Variants in TMEM132B observed in about 807,000 individuals in gnomAD.
The protein encoded by TMEM132B is transmembrane protein 132B.
Under a neutral mutation model 90.8 loss-of-function variants are expected in TMEM132B, and 18 were observed. That is an observed-to-expected ratio of 0.20 (90% CI 0.14 to 0.29). The LOEUF (loss-of-function observed/expected upper bound fraction) is 0.29. Ranked by LOEUF, TMEM132B falls within the 10% of genes least tolerant of loss-of-function variation. The pLI, the probability that TMEM132B is intolerant of heterozygous loss-of-function variation, is 1.00. For synonymous variants in TMEM132B, 504 were observed against 523.3 expected (o/e 0.96, Z 0.50); for missense variants, 1,096 against 1,326.8 (o/e 0.83, Z 2.70).
chr12:125,625,060 T>TA (rs1886198578), intron 5 of TMEM132B, among the ~76,000 whole-genome samples: 1 of 152,092 alleles, frequency 6.6e-6, no homozygotes. Context: ...TTTGTGTTCT[T>TA]ACAGTTTGGT....
intron 5 of TMEM132B, among the ~76,000 whole-genome samples, chr12:125,602,297 G>A (rs1885590710): frequency 6.6e-6 from 1 of 152,178 alleles, no homozygotes; most frequent in African/African-American, 2.4e-5. Context: ...TGGGATGCAA[G>A]GCTGGTTCAA....
At chr12:125,208,532 G>T (rs1873236733) in intron 1 of TMEM132B, among the ~76,000 whole-genome samples, 1 of 152,122 alleles carries the variant, frequency 6.6e-6, no homozygotes, top group Non-Finnish European at 1.5e-5. Flanking sequence ...TCATATACAT[G>T]GTATCACATA....
Position 125,445,696 on chromosome 12 carries a change from G to A in TMEM132B, c.1106+30019G>A, listed in dbSNP as rs986597821. On this transcript the variant is annotated intron_variant, in intron 3 of 8. Transcript: ENST00000682704. The surrounding 1 kb of genome is among the most constrained non-coding windows in gnomAD (Gnocchi z 4.3). The stretch of plus-strand genomic sequence containing the variant: ...GCCAGGCCTGGGTACCATCTTGTTG[G>A]GGCCTTCTAGTGTGGACACTGTGCA... Among the ~76,000 whole-genome samples, 4 of 152,164 alleles carry A rather than the reference G, an allele frequency of 2.6e-5. No homozygotes were observed. Among genetic ancestry groups the A allele is most frequent in the African/African-American group, 9.7e-5 (4 of 41,434 alleles).
chr12:125,229,829 C>A (rs1283599605), intron 1 of TMEM132B, among the ~76,000 whole-genome samples: 2 of 152,248 alleles, frequency 1.3e-5, no homozygotes, highest in South Asian at 4.1e-4. Context: ...CTCCCAGTCG[C>A]CTAGCTGTGC....
intron 1 of TMEM132B, among the ~76,000 whole-genome samples, chr12:125,269,495 G>A (rs1406664430): frequency 6.6e-6 from 1 of 152,186 alleles, no homozygotes; most frequent in Non-Finnish European, 1.5e-5. Context: ...CTTTACCTGT[G>A]TCCTGAGGAT....
intron 1 of TMEM132B, among the ~76,000 whole-genome samples, chr12:125,315,811 A>G (rs1028137534): frequency 6.6e-6 from 1 of 152,144 alleles, no homozygotes; most frequent in Non-Finnish European, 1.5e-5. Context: ...TACTTGGCCA[A>G]TTGTTGTAAT....
At chr12:125,572,749 T>C (rs1884831243) in intron 4 of TMEM132B, among the ~76,000 whole-genome samples, 1 of 152,254 alleles carries the variant, frequency 6.6e-6, no homozygotes, top group African/African-American at 2.4e-5. Context: ...GAAACAATTA[T>C]AGTAATAAAT....
intron 1 of TMEM132B, among the ~76,000 whole-genome samples, chr12:125,228,395 G>GA (rs1270244238): frequency 6.6e-6 from 1 of 152,202 alleles, no homozygotes; most frequent in African/African-American, 2.4e-5. Context: ...GAGAGTTGTG[G>GA]AGGTCAGCAC....
intron 3 of TMEM132B, among the ~76,000 whole-genome samples, chr12:125,509,139 A>G (rs189767265): frequency 7.9e-5 from 12 of 152,280 alleles, no homozygotes; most frequent in East Asian, 7.7e-4. Context: ...CTGTGGATAT[A>G]TAACAGGCAC....
At chr12:125,448,281 G>A (rs1285497328) in intron 3 of TMEM132B, among the ~76,000 whole-genome samples, 1 of 151,792 alleles carries the variant, frequency 6.6e-6, no homozygotes, top group Non-Finnish European at 1.5e-5. Context: ...GATGAGTTTT[G>A]ACAAATTTAT....
intron 1 of TMEM132B, among the ~76,000 whole-genome samples, chr12:125,288,654 T>C (rs1332813694): frequency 1.3e-5 from 2 of 152,082 alleles, no homozygotes; most frequent in African/African-American, 4.8e-5. Context: ...TTTTTAGGTT[T>C]TTTTCTTGGC....
chr12:125,601,310 C>T (rs1885565827), intron 5 of TMEM132B, among the ~76,000 whole-genome samples: 2 of 152,184 alleles, frequency 1.3e-5, no homozygotes, highest in African/African-American at 2.4e-5. Context: ...TTAAGAAACT[C>T]ACTCAAAACC....
intron 1 of TMEM132B, among the ~76,000 whole-genome samples, chr12:125,334,506 A>G (rs1876891236): frequency 6.6e-6 from 1 of 152,212 alleles, no homozygotes; most frequent in Non-Finnish European, 1.5e-5. Context: ...AAAGGACCTG[A>G]CAGGGTTCCT....
At chr12:125,235,366 C>T (rs1480616424) in intron 1 of TMEM132B, among the ~76,000 whole-genome samples, 1 of 152,132 alleles carries the variant, frequency 6.6e-6, no homozygotes, top group Non-Finnish European at 1.5e-5. Flanking sequence ...TTTGTCCCAG[C>T]TGCTGTCATC....
chr12:125,309,826 C>T (rs1261703964), intron 1 of TMEM132B, among the ~76,000 whole-genome samples: 1 of 152,170 alleles, frequency 6.6e-6, no homozygotes, highest in East Asian at 1.9e-4. Context: ...TTATTTTGCT[C>T]ACTAGTTTAG....
intron 4 of TMEM132B, among the ~76,000 whole-genome samples, chr12:125,581,053 A>G (rs1188381800): frequency 1.3e-5 from 2 of 152,216 alleles, no homozygotes; most frequent in African/African-American, 4.8e-5. Flanking sequence ...AATCTCAGCT[A>G]CCCATGAAAA....
At chr12:125,605,326 C>T (rs979638846) in intron 5 of TMEM132B, among the ~76,000 whole-genome samples, 8 of 152,120 alleles carry the variant, frequency 5.3e-5, no homozygotes, top group South Asian at 2.1e-4. Context: ...GACAGTTAAC[C>T]GGCTGAGCTG....
intron 2 of TMEM132B, among the ~76,000 whole-genome samples, chr12:125,411,229 C>G (rs1026657749): frequency 1.3e-5 from 2 of 148,812 alleles, no homozygotes; most frequent in Non-Finnish European, 3.0e-5. Flanking sequence ...GAAACTGAGA[C>G]AGGGGACAAA....
chr12:125,271,748 A>G (rs2136120129), intron 1 of TMEM132B, among the ~76,000 whole-genome samples: 1 of 152,086 alleles, frequency 6.6e-6, no homozygotes, highest in Non-Finnish European at 1.5e-5. Context: ...TACCTTCATT[A>G]CCTTTAATAT....
Sources: gnomAD v4.1 joint callset for allele counts (sites outside exome capture counted in the v4.1 genomes callset) on GRCh38, gnomAD v4.1.1 for gene constraint, Gnocchi (gnomAD v3.1) non-coding constraint, MANE v1.5 for transcripts, NCBI Gene and HGNC (gene_info 2026-07-23, HGNC 2026-07-21) for gene names.